Variants in MYO15A observed in about 807,000 individuals in gnomAD.
MYO15A encodes myosin XVA, also known as unconventional myosin-XV.
A neutral mutation model predicts 394.6 loss-of-function variants in MYO15A; 308 were observed. That is an observed-to-expected ratio of 0.78 (90% CI 0.71 to 0.86). MYO15A has a LOEUF of 0.86. Ranked by LOEUF, MYO15A falls within the 40% of genes least tolerant of loss-of-function variation. MYO15A has a pLI of 0.00. For missense variants in MYO15A, 4,606 were observed against 4,799.1 expected (o/e 0.96, Z 1.19); for synonymous variants, 1,957 against 2,003.8 (o/e 0.98, Z 0.62).
intron 45 of MYO15A, 114 bp from the exon 46 acceptor site, chr17:18,154,996 C>A: frequency 1.9e-6 from 2 of 1,075,396 alleles, no homozygotes; most frequent in Non-Finnish European, 2.8e-6. Context: ...CTAGTATAGA[C>A]ACTGGTCAGA....
chr17:18,133,678 T>C (rs953562485), intron 12 of MYO15A, among the ~76,000 whole-genome samples: 4 of 152,148 alleles, frequency 2.6e-5, no homozygotes, highest in Non-Finnish European at 4.4e-5. Context: ...GGTCTCACTC[T>C]GTCACCCAGG....
intron 1 of MYO15A, among the ~76,000 whole-genome samples, chr17:18,113,797 GACACACACACACAC>G (rs4025536): frequency 0.022 from 3,054 of 138,900 alleles, 57 homozygotes; most frequent in Non-Finnish European, 0.03. Context: ...CACCTCCCCT[GACACACACACACAC>G]ACACACACAC....
chr17:18,138,486 C>G (rs992914927), intron 17 of MYO15A, among the ~76,000 whole-genome samples: 2 of 152,162 alleles, frequency 1.3e-5, no homozygotes, highest in African/African-American at 2.4e-5. Flanking sequence ...GAGTAGGTAA[C>G]CTTGGAATTG....
chr17:18,153,887 G>A lies in MYO15A; in HGVS notation c.8079G>A (p.Leu2693=). 6.2e-7 allele frequency: 1 copy of A among 1,613,588 alleles called. No homozygotes were observed. Among genetic ancestry groups the A allele is most frequent in the Non-Finnish European group, 8.5e-7 (1 of 1,180,012 alleles). ...AGGACGCCCCCTGGAAGATCTTCCT[G>A]CGCAAAGAGGTGCCGAGCACAGCCG... ...GYQDAPWKIF[L]RKEVFYPKDS... Residue 2693 remains leucine, a synonymous_variant, in exon 43 of 66, where the codon CTG becomes CTA. Coordinates refer to ENST00000647165, the MANE Select transcript of MYO15A (RefSeq NM_016239.4). This position sits in a 1 kb window ranked among gnomAD's most constrained non-coding sequence, Gnocchi z 4.1.
At chr17:18,171,486 T>C in intron 62 of MYO15A, 152 bp from the exon 63 acceptor site, 1 of 1,175,846 alleles carries the variant, frequency 8.5e-7, no homozygotes, top group Non-Finnish European at 1.3e-6. Context: ...TGTGGGCACC[T>C]CTACCCCACT....
rs1255876604 is a variant in MYO15A, at chr17:18,120,843, C to T, written c.2043C>T (p.Ser681=). 9.2e-6 allele frequency: 11 copies of T among 1,191,496 alleles called. No homozygotes were observed. Among genetic ancestry groups the T allele is most frequent in the Non-Finnish European group, 1.1e-5 (11 of 960,296 alleles). The allele number at this position is 1,191,496 out of a possible 1,614,324, so 73.8% of individuals were successfully genotyped here. ...GGCCCCCGCCCGCGCCGCCGCTCTCCCCGGCGCTCTCGGGCCTGCCCCGGC... is the reference window on the plus strand; with the variant it reads ...GGCCCCCGCCCGCGCCGCCGCTCTCTCCGGCGCTCTCGGGCCTGCCCCGGC... ...SSGPPPAPPL[S]PALSGLPRPA... is the part of the protein sequence containing the mutation. Residue 681 remains serine (S), a synonymous_variant, in exon 2 of 66, where the codon TCC becomes TCT. Transcript: ENST00000647165.
rs769010094 is a variant in MYO15A, at chr17:18,119,652, G to A, written c.852G>A (p.Glu284=). 1.2e-5 allele frequency: 20 copies of A among 1,604,274 alleles called. No individual in the cohort carries two copies. Among genetic ancestry groups the A allele is most frequent in the Non-Finnish European group, 1.7e-5 (20 of 1,179,924 alleles). ...ACCACTACTACGGGTACCCGCCCGA[G>A]GATCCCTACGACTACTACCACCCCG... ...YGDHYYGYPP[E]DPYDYYHPDY... The change falls in exon 2 of 66, where the codon GAG becomes GAA. Residue 284 remains glutamate, a synonymous_variant. Transcript: ENST00000647165.
Position 18,178,820 on chromosome 17 carries a change from G to A in MYO15A, c.10543G>A (p.Ala3515Thr), listed in dbSNP as rs1251493930. The change falls in exon 66 of 66, where the codon GCC becomes ACC. Residue 3515 changes from alanine (A) to threonine (T), a missense_variant. By Grantham distance (58) the Ala-to-Thr change is moderately conservative (BLOSUM62 0). This residue lies in a region of MYO15A where 2,776 missense variants were observed against 3,109.3 expected (regional missense o/e 0.89). Transcript: ENST00000647165. The part of the protein sequence containing the change: ...VAVHVENLLS[A>T]HEKRLTLPPS... ...CGTGCACGTGGAGAACCTGCTCAGTGCCCATGAGAAGCGGCTCACATTGCC... is the reference window on the plus strand; with the variant it reads ...CGTGCACGTGGAGAACCTGCTCAGTACCCATGAGAAGCGGCTCACATTGCC... The A allele has an allele frequency of 6.2e-7, 1 of 1,613,914 alleles. No individual in the cohort carries two copies. The highest frequency in any genetic ancestry group is 1.7e-5 in the Admixed American group (1 of 60,010).
intron 1 of MYO15A, among the ~76,000 whole-genome samples, chr17:18,113,840 A>ACACT (rs1392036486): frequency 7.1e-6 from 1 of 141,082 alleles, no homozygotes; most frequent in South Asian, 2.3e-4. Context: ...ACACACACAC[A>ACACT]CTCTTCCTAC....
chr17:18,159,140 G>A (rs1231510042), intron 53 of MYO15A, 135 bp from the exon 54 acceptor site: 2 of 1,360,706 alleles, frequency 1.5e-6, no homozygotes, highest in Non-Finnish European at 2.1e-6. Flanking sequence ...GACAGCCTCT[G>A]TCCCCAGTGT....
In MYO15A at chr17:18,148,949, A is replaced by G. The variant is rs374917798; in HGVS notation, c.6953A>G (p.Lys2318Arg). 24 of 1,592,496 alleles carry G rather than the reference A, an allele frequency of 1.5e-5. No homozygotes were observed. Among genetic ancestry groups the G allele is most frequent in the Non-Finnish European group, 1.9e-5 (22 of 1,169,752 alleles). ...CCTGCAGCCAGCAGGGGAGGCCCCA[A>G]AGTGTAGGTAGCTATGGGGGACCCC... The part of the protein sequence containing the change: ...EGPAASRGGP[K>R]VVFGNSWDSD... Residue 2318 changes from lysine (K) to arginine (R), a missense_variant, in exon 33 of 66, where the codon AAA (lysine) becomes AGA (arginine). By Grantham distance (26) the Lys-to-Arg change is conservative. Transcript: ENST00000647165. This position sits in a 1 kb window ranked among gnomAD's most constrained non-coding sequence, Gnocchi z 4.8.
At chr17:18,135,624 A>G in intron 12 of MYO15A, 87 bp from the exon 13 acceptor site, 1 of 1,308,782 alleles carries the variant, frequency 7.6e-7, no homozygotes, top group Non-Finnish European at 1.1e-6. Flanking sequence ...TACTGGCATG[A>G]GCCACAGTGC....
intron 45 of MYO15A, 140 bp downstream of exon 45, chr17:18,154,895 C>T (rs2046648120): frequency 3.7e-6 from 4 of 1,072,716 alleles, no homozygotes; most frequent in East Asian, 2.6e-5. Context: ...CTTCTCTGGC[C>T]TCTCGCATGG....
At chr17:18,139,058 C>T in intron 18 of MYO15A, 122 bp downstream of exon 18, 1 of 1,424,346 alleles carries the variant, frequency 7.0e-7, no homozygotes, top group Non-Finnish European at 9.6e-7. Context: ...TCTGCTGTGC[C>T]CCAGCTCTGT....
intron 12 of MYO15A, among the ~76,000 whole-genome samples, chr17:18,135,448 TCTC>T (rs2046247213): frequency 6.6e-6 from 1 of 151,980 alleles, no homozygotes; most frequent in African/African-American, 2.4e-5. Flanking sequence ...TTCAAGCAAT[TCTC>T]CTGCCTCAGC....
chr17:18,135,952 G>A (rs2046259583), intron 13 of MYO15A, 128 bp downstream of exon 13: 1 of 819,134 alleles, frequency 1.2e-6, no homozygotes, highest in African/African-American at 1.7e-5. Context: ...GTCAGGCATG[G>A]AGGGGAGTAA....
intron 1 of MYO15A, among the ~76,000 whole-genome samples, chr17:18,110,748 G>C (rs2045710297): frequency 6.6e-6 from 1 of 152,174 alleles, no homozygotes; most frequent in South Asian, 2.1e-4. Context: ...CACGGCCATT[G>C]GGCTAGTCCC....
intron 2 of MYO15A, chr17:18,123,374 T>A (rs2045973934): frequency 1.3e-5 from 2 of 152,296 alleles, no homozygotes; most frequent in African/African-American, 4.8e-5. Flanking sequence ...GATGCCTGGG[T>A]CCTCCTTACC....
chr17:18,137,265 G>A (rs1015706437), intron 15 of MYO15A, among the ~76,000 whole-genome samples: 5 of 152,246 alleles, frequency 3.3e-5, no homozygotes, highest in Non-Finnish European at 7.3e-5. Context: ...TATGAGGCAG[G>A]TACTGTCAGT....
Sources: gnomAD v4.1 joint callset for allele counts (sites outside exome capture counted in the v4.1 genomes callset) on GRCh38, gnomAD v4.1.1 for gene constraint, gnomAD v4.1.1 regional missense constraint, Gnocchi (gnomAD v3.1) non-coding constraint, MANE v1.5 for transcripts, NCBI Gene and HGNC (gene_info 2026-07-23, HGNC 2026-07-21) for gene names.